CCBE1: variants seen among roughly 807,000 people sequenced by gnomAD.
CCBE1 encodes collagen and calcium binding EGF domains 1.
CCBE1 carries 37 observed loss-of-function variants against 50.0 expected under a neutral mutation model. The observed-to-expected ratio is 0.74, with a 90% confidence interval of 0.57 to 0.97. CCBE1 has a LOEUF of 0.97. CCBE1 is among the 50% of genes least tolerant of loss of function. The pLI, the probability that CCBE1 is intolerant of heterozygous loss-of-function variation, is 0.00. For missense variants in CCBE1, 538 were observed against 523.8 expected (o/e 1.03, Z -0.26); for synonymous variants, 234 against 203.7 (o/e 1.15, Z -1.27).
intron 2 of CCBE1, among the ~76,000 whole-genome samples, chr18:59,632,816 C>A (rs2053867312): frequency 6.6e-6 from 1 of 151,792 alleles, no homozygotes; most frequent in Non-Finnish European, 1.5e-5. Context: ...ACCATGTTGG[C>A]CAGGCTGGTC....
chr18:59,597,203 C>T (rs144226227), intron 2 of CCBE1, among the ~76,000 whole-genome samples: 7 of 152,308 alleles, frequency 4.6e-5, no homozygotes, highest in South Asian at 2.1e-4. Flanking sequence ...TTCAGTGCCT[C>T]GTTTCCTCAT....
chr18:59,477,966 G>A (rs1187285727), intron 3 of CCBE1, among the ~76,000 whole-genome samples: 3 of 152,174 alleles, frequency 2.0e-5, no homozygotes, highest in African/African-American at 7.2e-5. Context: ...CTTCTGTGAA[G>A]ATATTTTTTA....
chr18:59,556,734 A>T (rs1438229994), intron 2 of CCBE1, among the ~76,000 whole-genome samples: 1 of 152,202 alleles, frequency 6.6e-6, no homozygotes, highest in African/African-American at 2.4e-5. Flanking sequence ...CTTCCAACCC[A>T]CACTGAGGTT....
chr18:59,450,056 T>A (rs900476722), intron 6 of CCBE1, among the ~76,000 whole-genome samples: 2 of 152,150 alleles, frequency 1.3e-5, no homozygotes, highest in Admixed American at 6.5e-5. Flanking sequence ...CAGCAGACGA[T>A]GGGCTGTGGG....
intron 2 of CCBE1, among the ~76,000 whole-genome samples, chr18:59,561,050 G>T (rs1354926219): frequency 1.3e-5 from 2 of 152,102 alleles, no homozygotes; most frequent in African/African-American, 4.8e-5. Context: ...GGGCCTGCTG[G>T]TGTGGTCCAG....
At chr18:59,489,035 G>A (rs984529129) in intron 2 of CCBE1, among the ~76,000 whole-genome samples, 1 of 152,202 alleles carries the variant, frequency 6.6e-6, no homozygotes. Flanking sequence ...TCAACCATAT[G>A]TGTTACCACG....
intron 2 of CCBE1, among the ~76,000 whole-genome samples, chr18:59,526,953 A>G (rs1322178663): frequency 6.6e-6 from 1 of 152,204 alleles, no homozygotes; most frequent in African/African-American, 2.4e-5. Flanking sequence ...TAGAATAAGT[A>G]CCAAGTGGTG....
intron 4 of CCBE1, among the ~76,000 whole-genome samples, chr18:59,468,301 C>T (rs1014330828): frequency 1.1e-4 from 16 of 152,230 alleles, no homozygotes; most frequent in African/African-American, 3.9e-4. Context: ...GGGAGGATCA[C>T]AGGAGCACGG....
In CCBE1 at chr18:59,433,622, T is replaced by TC. The variant is rs369839472; in HGVS notation, c.*2285_*2286insG. ...AACAAAAGGGATATTTTTTTTTTTT[T>TC]GAGACAGAGTCTCGCTCTGTCGCCC... On this transcript the variant is annotated 3_prime_UTR_variant, in exon 11 of 11. Transcript: ENST00000439986. 6.6e-6 allele frequency: 1 copy of TC among 151,534 alleles called. No homozygotes were observed. The highest frequency in any genetic ancestry group is 1.5e-5 in the Non-Finnish European group (1 of 67,884). 9.4% of individuals were successfully genotyped at this position (151,534 alleles called of 1,614,324 possible). A position where few individuals can be genotyped will look rare whatever the true frequency, so the allele number is the denominator to read the frequency against.
At chr18:59,666,360 C>T (rs903917019) in intron 2 of CCBE1, among the ~76,000 whole-genome samples, 1 of 152,192 alleles carries the variant, frequency 6.6e-6, no homozygotes, top group South Asian at 2.1e-4. Flanking sequence ...CAAACCATAT[C>T]AGACTCCAAT....
chr18:59,619,616 T>C lies in CCBE1; in HGVS notation c.212+77013A>G, dbSNP rs546615801. ...TTTATCCGGCTCCATTTAACTGTAC[T>C]CATTTTAGCCAACAAAGACTTAATT... On this transcript the variant is annotated intron_variant, in intron 2 of 10. Transcript: ENST00000439986. Among the ~76,000 whole-genome samples the C allele has an allele frequency of 2.1e-4, 32 of 152,366 alleles. 1 individual carries two copies. The South Asian group carries it at 6.6e-3, about 32-fold the overall frequency.
chr18:59,511,460 C>T (rs1914128572), intron 2 of CCBE1, among the ~76,000 whole-genome samples: 1 of 152,196 alleles, frequency 6.6e-6, no homozygotes, highest in Admixed American at 6.5e-5. Context: ...TACAGTTGGG[C>T]TGAGCCAATC....
At chr18:59,533,713 C>T (rs1263827122) in intron 2 of CCBE1, among the ~76,000 whole-genome samples, 1 of 152,128 alleles carries the variant, frequency 6.6e-6, no homozygotes, top group Non-Finnish European at 1.5e-5. Context: ...CCCCAAAATT[C>T]CTCCCCTGTA....
intron 2 of CCBE1, among the ~76,000 whole-genome samples, chr18:59,576,673 T>C (rs2053001902): frequency 6.6e-6 from 1 of 152,188 alleles, no homozygotes; most frequent in South Asian, 2.1e-4. Context: ...TGTGGTTTCT[T>C]TACCCAGCCA....
chr18:59,536,973 AGAGT>A (rs1310720753), intron 2 of CCBE1, among the ~76,000 whole-genome samples: 1 of 145,022 alleles, frequency 6.9e-6, no homozygotes, highest in Admixed American at 7.2e-5. Context: ...GACTGGCAAC[AGAGT>A]GAGACTCTGT....
At chr18:59,561,704 C>T (rs934026557) in intron 2 of CCBE1, among the ~76,000 whole-genome samples, 4 of 152,106 alleles carry the variant, frequency 2.6e-5, no homozygotes, top group Non-Finnish European at 4.4e-5. Context: ...ATGGAAGGTA[C>T]ATCTGCAAGA....
At chr18:59,657,960 T>C (rs1167682038) in intron 2 of CCBE1, among the ~76,000 whole-genome samples, 1 of 151,918 alleles carries the variant, frequency 6.6e-6, no homozygotes, top group African/African-American at 2.4e-5. Context: ...GAGGCCACAT[T>C]ATAGCCACGG....
chr18:59,602,986 A>C (rs2053452523), intron 2 of CCBE1, among the ~76,000 whole-genome samples: 1 of 152,168 alleles, frequency 6.6e-6, no homozygotes, highest in African/African-American at 2.4e-5. Context: ...TGACAATACC[A>C]ACCTCCGAGG....
chr18:59,664,003 A>G (rs555950441), intron 2 of CCBE1, among the ~76,000 whole-genome samples: 9 of 152,304 alleles, frequency 5.9e-5, no homozygotes, highest in African/African-American at 2.2e-4. Context: ...CTAACAACAT[A>G]CCATGAACTG....
Sources: gnomAD v4.1 joint callset for allele counts (sites outside exome capture counted in the v4.1 genomes callset) on GRCh38, gnomAD v4.1.1 for gene constraint, MANE v1.5 for transcripts, NCBI Gene and HGNC (gene_info 2026-07-23, HGNC 2026-07-21) for gene names.